Variants in DGKI observed in about 807,000 individuals in gnomAD.
DGKI encodes the protein DAG kinase iota.
A neutral mutation model predicts 147.5 loss-of-function variants in DGKI; 55 were observed. The ratio of observed to expected loss-of-function variants is 0.37; its 90% CI spans 0.30 to 0.47. The LOEUF (loss-of-function observed/expected upper bound fraction) is 0.47, where lower values mean the gene tolerates loss of function less well. Ranked by LOEUF, DGKI falls within the 20% of genes least tolerant of loss-of-function variation. The pLI is 1.00. For synonymous variants in DGKI, 469 were observed against 477.1 expected, an observed-to-expected ratio of 0.98 and a Z score of 0.22; for missense variants, 1,007 against 1,323.8, an observed-to-expected ratio of 0.76 and a Z score of 3.71.
intron 23 of DGKI, among the ~76,000 whole-genome samples, chr7:137,482,749 T>TTCTA (rs1386653775): frequency 6.6e-6 from 1 of 152,074 alleles, no homozygotes; most frequent in Non-Finnish European, 1.5e-5. Context: ...GCCACGTTAG[T>TTCTA]TCTAACACAG....
intron 21 of DGKI, among the ~76,000 whole-genome samples, chr7:137,505,175 AT>A (rs1480978887): frequency 2.0e-5 from 3 of 152,118 alleles, no homozygotes; most frequent in African/African-American, 7.2e-5. Context: ...AAGAAAACTG[AT>A]CTTAAATTTT....
intron 1 of DGKI, among the ~76,000 whole-genome samples, chr7:137,820,553 G>A (rs1310675871): frequency 6.6e-6 from 1 of 152,148 alleles, no homozygotes; most frequent in Non-Finnish European, 1.5e-5. Context: ...GGCAAATGCT[G>A]GGGGGAGATG....
chr7:137,584,352 A>G (rs1156363675), intron 14 of DGKI, among the ~76,000 whole-genome samples: 2 of 152,230 alleles, frequency 1.3e-5, no homozygotes, highest in Non-Finnish European at 2.9e-5. Flanking sequence ...GTGGCTACTC[A>G]GAAACCTACC....
intron 21 of DGKI, among the ~76,000 whole-genome samples, chr7:137,518,306 T>C (rs564779290): frequency 1.1e-4 from 16 of 152,242 alleles, no homozygotes; most frequent in Non-Finnish European, 2.2e-4. Context: ...ATTAAATGAC[T>C]TTGTCAAGGT....
At chr7:137,652,404 T>C (rs974530605) in intron 5 of DGKI, among the ~76,000 whole-genome samples, 1 of 152,182 alleles carries the variant, frequency 6.6e-6, no homozygotes, top group Non-Finnish European at 1.5e-5. Context: ...GAGATACATA[T>C]TGGAGGGCAG....
At chr7:137,430,291 A>G (rs1478203812) in intron 28 of DGKI, among the ~76,000 whole-genome samples, 2 of 151,934 alleles carry the variant, frequency 1.3e-5, no homozygotes, top group Non-Finnish European at 2.9e-5. Flanking sequence ...ATTCTCAGTA[A>G]ACTATCACAA....
chr7:137,439,538 G>A (rs1347218277), intron 28 of DGKI, among the ~76,000 whole-genome samples: 2 of 152,108 alleles, frequency 1.3e-5, no homozygotes, highest in Non-Finnish European at 2.9e-5. Flanking sequence ...ACAGTATGGG[G>A]GAAACTGCTC....
intron 7 of DGKI, among the ~76,000 whole-genome samples, chr7:137,620,716 A>C (rs1257275131): frequency 6.6e-6 from 1 of 152,214 alleles, no homozygotes; most frequent in Non-Finnish European, 1.5e-5. Flanking sequence ...TGTATACCCC[A>C]ACAGTGACAC....
chr7:137,495,636 G>A lies in DGKI; in HGVS notation c.2249-7947C>T, dbSNP rs547446649. Among the ~76,000 whole-genome samples, 19 of 151,664 alleles carry A rather than the reference G, an allele frequency of 1.3e-4. No homozygotes were observed. In the South Asian group the frequency reaches 3.1e-3, roughly 25 times the overall value. ...ATGGTCAAGTAGGCTTTATCCCTGC[G>A]ATGCAAGGTGGTTCAACATACACGA... On this transcript the variant is annotated intron_variant, in intron 21 of 32. Transcript: ENST00000614521.
At chr7:137,419,610 T>C (rs1812484256) in intron 28 of DGKI, among the ~76,000 whole-genome samples, 1 of 152,194 alleles carries the variant, frequency 6.6e-6, no homozygotes, top group Admixed American at 6.5e-5. Context: ...CAGGTATGGA[T>C]GACCGCTGTG....
Position 137,459,437 on chromosome 7 carries a change from T to C in DGKI, c.2735+4052A>G, listed in dbSNP as rs143337440. On this transcript the variant is annotated intron_variant, in intron 27 of 32. Transcript: ENST00000614521. ...CTTTTAAATCAGACTTCTCAGAATT[T>C]TGTTTTATTTATCTTTTCAACGAAT... Among the ~76,000 whole-genome samples the C allele has an allele frequency of 7.3e-4, 111 of 152,086 alleles. 1 individual carries two copies. The highest frequency in any genetic ancestry group is 1.9e-3 in the African/African-American group (77 of 41,524).
intron 28 of DGKI, among the ~76,000 whole-genome samples, chr7:137,436,260 G>T (rs1249754078): frequency 6.6e-6 from 1 of 152,202 alleles, no homozygotes; most frequent in Non-Finnish European, 1.5e-5. Context: ...GCTACAAGAA[G>T]TGGATCCAAA....
intron 6 of DGKI, among the ~76,000 whole-genome samples, chr7:137,638,129 T>C (rs979942544): frequency 2.0e-5 from 3 of 152,092 alleles, no homozygotes; most frequent in African/African-American, 4.8e-5. Flanking sequence ...GGAATCCCAG[T>C]GTGTCCCAGG....
At chr7:137,513,765 C>T (rs1269454513) in intron 21 of DGKI, 10 of 516,178 alleles carry the variant, frequency 1.9e-5, no homozygotes, top group Non-Finnish European at 3.3e-5. Context: ...ATTTGGGTAT[C>T]TAAAATACCT....
intron 6 of DGKI, among the ~76,000 whole-genome samples, chr7:137,644,215 T>C (rs191668856): frequency 4.6e-5 from 7 of 152,318 alleles, no homozygotes; most frequent in African/African-American, 1.7e-4. Context: ...ATCTTTCCAC[T>C]TCCCCCTTCG....
intron 20 of DGKI, among the ~76,000 whole-genome samples, chr7:137,526,949 C>G (rs1233598637): frequency 1.3e-5 from 2 of 152,072 alleles, no homozygotes; most frequent in Non-Finnish European, 2.9e-5. Flanking sequence ...TTTTGGTTCT[C>G]CAGGGTCACT....
chr7:137,387,930 T>G lies in DGKI; in HGVS notation c.*3290A>C, dbSNP rs1811226883. 6.6e-6 allele frequency: 1 copy of G among 152,110 alleles called. No homozygotes were observed. The highest frequency in any genetic ancestry group is 1.5e-5 in the Non-Finnish European group (1 of 68,000). 9.4% of individuals were successfully genotyped at this position (152,110 alleles called of 1,614,324 possible). A position where few individuals can be genotyped will look rare whatever the true frequency, so the allele number is the denominator to read the frequency against. On this transcript the variant is annotated 3_prime_UTR_variant, in exon 33 of 33. Coordinates refer to ENST00000614521, the MANE Select transcript of DGKI (RefSeq NM_001321708.2). ...GTTAGGCAAAGGGACTCTCACTAGG[T>G]CCAGATGAAAATGAAGTGATGTTGA...
intron 30 of DGKI, among the ~76,000 whole-genome samples, chr7:137,399,015 T>TTTTTTC (rs1554396008): frequency 2.0e-5 from 3 of 146,582 alleles, no homozygotes; most frequent in Non-Finnish European, 4.5e-5. Context: ...TTTTTTTTTT[T>TTTTTTC]CACAAAAGCT....
At chr7:137,467,465 A>T (rs1452300826) in intron 24 of DGKI, among the ~76,000 whole-genome samples, 1 of 152,202 alleles carries the variant, frequency 6.6e-6, no homozygotes, top group Non-Finnish European at 1.5e-5. Flanking sequence ...AGTTACGTAG[A>T]CTTCTCAGTG....
Sources: gnomAD v4.1 joint callset for allele counts (sites outside exome capture counted in the v4.1 genomes callset) on GRCh38, gnomAD v4.1.1 for gene constraint, MANE v1.5 for transcripts, NCBI Gene and HGNC (gene_info 2026-07-23, HGNC 2026-07-21) for gene names.